Variants in DLG2 observed in about 807,000 individuals in gnomAD.
The protein encoded by DLG2 is disks large homolog 2.
Under a neutral mutation model 132.5 loss-of-function variants are expected in DLG2, and 45 were observed. The observed-to-expected ratio is 0.34, with a 90% CI of 0.27 to 0.44. DLG2 has a LOEUF of 0.44. DLG2 is among the 20% of genes least tolerant of loss of function. The pLI, the probability that DLG2 is intolerant of heterozygous loss-of-function variation, is 1.00. For synonymous variants in DLG2, 424 were observed against 419.6 expected, an observed-to-expected ratio of 1.01 and a Z score of -0.13; for missense variants, 1,045 against 1,196.9, an observed-to-expected ratio of 0.87 and a Z score of 1.87.
intron 14 of DLG2, among the ~76,000 whole-genome samples, chr11:83,932,335 C>T (rs781572539): frequency 4.6e-5 from 7 of 151,824 alleles, no homozygotes; most frequent in African/African-American, 1.2e-4. Context: ...CCTGGGTTCA[C>T]GCCATTCTCC....
chr11:85,132,070 GAATAA>G (rs1341347736), intron 5 of DLG2, among the ~76,000 whole-genome samples: 2 of 151,994 alleles, frequency 1.3e-5, no homozygotes, highest in Non-Finnish European at 2.9e-5. Flanking sequence ...ACTGATGACA[GAATAA>G]AATAAAATGC....
At position 84,349,277 on chromosome 11, in the gene DLG2, C is replaced by A. The variant is rs143847199; in HGVS notation, c.520-97986G>T. ...ATATTGATGGGTCAGAAAATATTTC[C>A]CAAAGGCATGGTGTCTAAAGCAGGA... On this transcript the variant is annotated intron_variant, in intron 7 of 27. Transcript: ENST00000376104. Among the ~76,000 whole-genome samples the A allele has an allele frequency of 3.7e-3, 561 of 152,164 alleles. 9 individuals carry two copies. The highest frequency in any genetic ancestry group is 0.012 in the African/African-American group (518 of 41,492).
rs2096911412 is a variant in DLG2, at chr11:83,578,070, ATGTATACACACACACACACAC to A, written c.1941-36233_1941-36213del. On this transcript the variant is annotated intron_variant, in intron 19 of 27. Transcript: ENST00000376104. ...TGTGTGTGTGTGTATACATATATATATGTATACACACACACACACACTGTATCATATAAAATATGTGACAAT... is the reference window on the plus strand; with the variant it reads ...TGTGTGTGTGTGTATACATATATATATGTATCATATAAAATATGTGACAAT... 7.4e-5 allele frequency among the ~76,000 whole-genome samples: 8 copies of A among 108,660 alleles called. No homozygotes were observed. In the South Asian group the frequency reaches 2.4e-3, roughly 33 times the overall value. The allele number at this position is 108,660 out of a possible 152,430, so 71.3% of individuals were successfully genotyped here.
chr11:84,015,029 C>T (rs2514166), intron 11 of DLG2, among the ~76,000 whole-genome samples: 149,681 of 152,238 alleles, frequency 0.98, 73,589 homozygotes, highest in East Asian at 1. Flanking sequence ...AAGAAACCAC[C>T]TCACATTGAT....
intron 7 of DLG2, among the ~76,000 whole-genome samples, chr11:84,410,907 G>C (rs1351713057): frequency 6.6e-6 from 1 of 151,942 alleles, no homozygotes; most frequent in Admixed American, 6.6e-5. Context: ...AGAGCTTATG[G>C]ATCTTATGTT....
intron 19 of DLG2, among the ~76,000 whole-genome samples, chr11:83,569,574 T>C (rs2096764348): frequency 2.0e-5 from 3 of 152,200 alleles, no homozygotes; most frequent in Admixed American, 2.0e-4. Context: ...GAAGCTGATC[T>C]GGGATGCAAA....
At chr11:84,891,670 T>C (rs2089418860) in intron 6 of DLG2, among the ~76,000 whole-genome samples, 1 of 152,216 alleles carries the variant, frequency 6.6e-6, no homozygotes, top group South Asian at 2.1e-4. Context: ...ATCATCTTTA[T>C]CATGGCAACA....
intron 6 of DLG2, among the ~76,000 whole-genome samples, chr11:85,108,062 G>T (rs1456917479): frequency 6.8e-6 from 1 of 147,890 alleles, no homozygotes; most frequent in Non-Finnish European, 1.5e-5. Flanking sequence ...GTTAATAGAA[G>T]CCATTTTCAA....
intron 3 of DLG2, among the ~76,000 whole-genome samples, chr11:85,393,740 A>G (rs2087020494): frequency 6.6e-6 from 1 of 151,756 alleles, no homozygotes; most frequent in Non-Finnish European, 1.5e-5. Flanking sequence ...TATAATATGT[A>G]TGTATATTTT....
intron 12 of DLG2, among the ~76,000 whole-genome samples, chr11:83,973,479 T>C (rs79992245): frequency 0.013 from 1,915 of 152,232 alleles, 31 homozygotes; most frequent in African/African-American, 0.044. Context: ...GAAGTGACTT[T>C]AAACTCAGGG....
chr11:84,621,424 G>A (rs1010966588), intron 6 of DLG2, among the ~76,000 whole-genome samples: 2 of 152,112 alleles, frequency 1.3e-5, no homozygotes, highest in African/African-American at 4.8e-5. Context: ...TATGGAGAAG[G>A]AATAGATGGA....
chr11:85,427,430 G>T (rs574680297), intron 3 of DLG2, among the ~76,000 whole-genome samples: 1 of 152,172 alleles, frequency 6.6e-6, no homozygotes, highest in Non-Finnish European at 1.5e-5. Context: ...CTGATCTCTT[G>T]GCAGAAACTC....
intron 19 of DLG2, among the ~76,000 whole-genome samples, chr11:83,555,994 C>A (rs1053884961): frequency 6.6e-6 from 1 of 152,092 alleles, no homozygotes; most frequent in Non-Finnish European, 1.5e-5. Flanking sequence ...AGAGTAACAC[C>A]AGGGTGTCCC....
intron 6 of DLG2, among the ~76,000 whole-genome samples, chr11:85,024,759 CA>C: frequency 6.6e-6 from 1 of 152,306 alleles, no homozygotes; most frequent in South Asian, 2.1e-4. Context: ...GTCCTTTCTG[CA>C]AACACTTTTT....
chr11:84,139,175 C>A (rs2094730630), intron 9 of DLG2, among the ~76,000 whole-genome samples: 1 of 152,140 alleles, frequency 6.6e-6, no homozygotes. Context: ...TACCTTTAAT[C>A]TCTCTGAGGG....
chr11:85,465,027 T>C (rs1597570259), intron 3 of DLG2, among the ~76,000 whole-genome samples: 1 of 118,962 alleles, frequency 8.4e-6, no homozygotes, highest in South Asian at 2.8e-4. Flanking sequence ...TGAGCCAAGA[T>C]TGTGCCACTG....
At chr11:84,362,871 G>A (rs1158338160) in intron 7 of DLG2, among the ~76,000 whole-genome samples, 2 of 152,072 alleles carry the variant, frequency 1.3e-5, no homozygotes, top group Non-Finnish European at 1.5e-5. Flanking sequence ...AGTATTCCAT[G>A]GTGTATATGT....
Position 84,984,757 on chromosome 11 carries a change from G to A in DLG2, c.357+126904C>T, listed in dbSNP as rs190252624. 2.3e-3 allele frequency among the ~76,000 whole-genome samples: 343 copies of A among 152,110 alleles called. 1 individual carries two copies. Among genetic ancestry groups the A allele is most frequent in the Non-Finnish European group, 4.2e-3 (284 of 67,992 alleles). On this transcript the variant is annotated intron_variant, in intron 6 of 27. Transcript: ENST00000376104. ...CTTCAAGAGACACACCTAACATAAG[G>A]ACTCACATAAACTTAAGGTAAAGGG...
At chr11:83,488,203 G>A (rs974366034) in intron 21 of DLG2, among the ~76,000 whole-genome samples, 1 of 151,880 alleles carries the variant, frequency 6.6e-6, no homozygotes, top group Non-Finnish European at 1.5e-5. Context: ...ATCTTTAATT[G>A]AATGAGAGTA....
Sources: allele counts gnomAD v4.1 joint callset (sites outside exome capture counted in the v4.1 genomes callset), GRCh38; gene constraint gnomAD v4.1.1; transcripts MANE v1.5; gene names NCBI Gene and HGNC (gene_info 2026-07-23, HGNC 2026-07-21).